RDX: variants seen among roughly 807,000 people sequenced by gnomAD.
The protein encoded by RDX is deafness, autosomal recessive 24.
RDX carries 32 observed loss-of-function variants against 83.7 expected under a neutral mutation model. The observed-to-expected ratio is 0.38, with a 90% CI of 0.29 to 0.51. The LOEUF (loss-of-function observed/expected upper bound fraction) is 0.51, where lower values mean the gene tolerates loss of function less well. RDX is among the 20% of genes least tolerant of loss of function. RDX has a pLI of 0.87. For synonymous variants in RDX, 229 were observed against 222.7 expected (o/e 1.03, Z -0.25); for missense variants, 600 against 689.9 (o/e 0.87, Z 1.46).
At chr11:110,280,563 G>C (rs1377510888) in intron 1 of RDX, among the ~76,000 whole-genome samples, 1 of 152,146 alleles carries the variant, frequency 6.6e-6, no homozygotes, top group East Asian at 1.9e-4. Context: ...TTTTCTTCTT[G>C]TAAATTTGAA....
At chr11:110,203,786 T>C (rs1000903117) in intron 14 of RDX, among the ~76,000 whole-genome samples, 1 of 152,016 alleles carries the variant, frequency 6.6e-6, no homozygotes, top group Non-Finnish European at 1.5e-5. Flanking sequence ...AGAAATTGCG[T>C]TTAATAAATT....
downstream of RDX, among the ~76,000 whole-genome samples, chr11:110,228,271 A>C (rs773534704): frequency 1.1e-4 from 16 of 152,210 alleles, no homozygotes; most frequent in Non-Finnish European, 1.9e-4. Flanking sequence ...ATATTTCATA[A>C]AGTTATCAAA....
At chr11:110,251,556 C>A (rs1408943042) in intron 9 of RDX, among the ~76,000 whole-genome samples, 6 of 152,108 alleles carry the variant, frequency 3.9e-5, no homozygotes, top group Admixed American at 3.9e-4. Context: ...TTATCTAGTT[C>A]CAAAGCCTGT....
downstream of RDX, among the ~76,000 whole-genome samples, chr11:110,227,439 A>C (rs114035796): frequency 6.6e-6 from 1 of 152,288 alleles, no homozygotes; most frequent in South Asian, 2.1e-4. Flanking sequence ...GAATCCAAAT[A>C]TTTAAAATAA....
intron 2 of RDX, among the ~76,000 whole-genome samples, chr11:110,274,991 A>G (rs769162176): frequency 7.2e-5 from 11 of 152,220 alleles, no homozygotes; most frequent in Non-Finnish European, 1.3e-4. Context: ...GAATTGTACA[A>G]TGTAACTGTG....
intron 10 of RDX, among the ~76,000 whole-genome samples, chr11:110,247,201 A>C (rs1226609574): frequency 1.3e-5 from 2 of 152,186 alleles, no homozygotes; most frequent in Non-Finnish European, 2.9e-5. Flanking sequence ...ACAAACAAAA[A>C]ACGTTATAAC....
chr11:110,265,894 T>C (rs1316493495), intron 3 of RDX, among the ~76,000 whole-genome samples: 2 of 152,190 alleles, frequency 1.3e-5, no homozygotes, highest in Non-Finnish European at 2.9e-5. Context: ...ATTTACTCTA[T>C]CATAATTGTG....
At chr11:110,287,049 T>C (rs943585422) in intron 1 of RDX, 1 of 152,208 alleles carries the variant, frequency 6.6e-6, no homozygotes, top group African/African-American at 2.4e-5. Context: ...AGTTAAGTTA[T>C]TTCGAGACAG....
At chr11:110,222,567 C>G (rs531044636) in intron 14 of RDX, among the ~76,000 whole-genome samples, 1 of 152,176 alleles carries the variant, frequency 6.6e-6, no homozygotes, top group South Asian at 2.1e-4. Flanking sequence ...GAGGCCAAGG[C>G]AGGTGGATCA....
At chr11:110,272,187 C>T (rs1296008138) in intron 3 of RDX, among the ~76,000 whole-genome samples, 2 of 152,306 alleles carry the variant, frequency 1.3e-5, no homozygotes, top group East Asian at 1.9e-4. Flanking sequence ...ATTCCCTATG[C>T]CTTTCACTCC....
At chr11:110,228,936 TCTAG>T (rs145331989), downstream of RDX, among the ~76,000 whole-genome samples, 6,162 of 151,932 alleles carry the variant, frequency 0.041, 419 homozygotes, top group African/African-American at 0.14. Flanking sequence ...AACAAAAAAA[TCTAG>T]CTTTTACTAT....
intron 1 of RDX, among the ~76,000 whole-genome samples, chr11:110,295,642 G>A (rs1224296434): frequency 1.1e-3 from 131 of 122,172 alleles, no homozygotes; most frequent in Non-Finnish European, 1.2e-3. Context: ...TGTTTAAACT[G>A]AAAAAAAAAA....
In RDX at chr11:110,181,255, C is replaced by T. The variant is rs150355207; in HGVS notation, c.*32-6021G>A. The stretch of plus-strand genomic sequence containing the variant: ...TCGACTCACTACAACCTCCGCCTCC[C>T]GGGTTGAAACAATTCTCCTGCCTCA... On this transcript the variant is annotated intron_variant, in intron 15 of 15. Coordinates refer to the RDX transcript ENST00000528498. Among the ~76,000 whole-genome samples the T allele has an allele frequency of 1.0e-2, 1,511 of 151,840 alleles. 34 individuals are homozygous for T. The highest frequency in any genetic ancestry group is 0.034 in the African/African-American group (1,422 of 41,376).
chr11:110,292,698 C>CA (rs1861294932), intron 1 of RDX, among the ~76,000 whole-genome samples: 1 of 151,614 alleles, frequency 6.6e-6, no homozygotes, highest in Non-Finnish European at 1.5e-5. Flanking sequence ...AGATTATCTA[C>CA]AACTCAGAAG....
At chr11:110,188,305 T>TAAC (rs1277411028) in intron 15 of RDX, among the ~76,000 whole-genome samples, 1 of 47,274 alleles carries the variant, frequency 2.1e-5, no homozygotes, top group East Asian at 1.2e-3. Context: ...AAAATAATAA[T>TAAC]AATAATAATA....
chr11:110,199,927 T>C (rs1261217712), intron 14 of RDX, among the ~76,000 whole-genome samples: 3 of 152,202 alleles, frequency 2.0e-5, no homozygotes, highest in South Asian at 2.1e-4. Flanking sequence ...TCCTTTTAAA[T>C]AGATGCTAGA....
chr11:110,188,909 T>C (rs1399420241), intron 15 of RDX, among the ~76,000 whole-genome samples: 1 of 152,116 alleles, frequency 6.6e-6, no homozygotes, highest in African/African-American at 2.4e-5. Flanking sequence ...CTTACATACA[T>C]GGCTCACAGA....
downstream of RDX, among the ~76,000 whole-genome samples, chr11:110,224,767 G>C (rs1864377425): frequency 6.6e-6 from 1 of 152,178 alleles, no homozygotes; most frequent in Admixed American, 6.5e-5. Flanking sequence ...ATTACACTTA[G>C]ACATTTCCTT....
At chr11:110,264,437 TTCTAATAA>T (rs2134381575) in intron 4 of RDX, among the ~76,000 whole-genome samples, 1 of 152,308 alleles carries the variant, frequency 6.6e-6, no homozygotes, top group African/African-American at 2.4e-5. Flanking sequence ...ATAACTCAGA[TTCTAATAA>T]CCAAATTGAA....
Sources: gnomAD v4.1 joint callset for allele counts (sites outside exome capture counted in the v4.1 genomes callset) on GRCh38, gnomAD v4.1.1 for gene constraint, MANE v1.5 for transcripts, NCBI Gene and HGNC (gene_info 2026-07-23, HGNC 2026-07-21) for gene names.